The following CMC1 variants were observed in gnomAD, a reference collection of about 807,000 sequenced individuals.
The protein encoded by CMC1 is C-X9-C motif containing 1.
CMC1 carries 14 observed loss-of-function variants against 14.1 expected under a neutral mutation model. The observed-to-expected ratio is 0.99, with a 90% CI of 0.66 to 1.55. The LOEUF (loss-of-function observed/expected upper bound fraction) is 1.55, where lower values mean the gene tolerates loss of function less well. Among genes scored for constraint, CMC1 ranks in the 40% most tolerant of loss-of-function variants. The pLI is 0.00. For synonymous variants in CMC1, 50 were observed against 38.4 expected (o/e 1.30, Z -1.12); for missense variants, 127 against 123.8 (o/e 1.03, Z -0.12).
intron 2 of CMC1, among the ~76,000 whole-genome samples, chr3:28,308,933 A>T (rs1384669250): frequency 6.6e-6 from 1 of 151,936 alleles, no homozygotes; most frequent in African/African-American, 2.4e-5. Flanking sequence ...CAGTGAGCCA[A>T]GATCATGCCA....
In CMC1 at chr3:28,242,373, C is replaced by T. The variant is rs146576701; in HGVS notation, c.19+561C>T. ...CAATAGTTAACTTACCCTCGAATTC[C>T]CGTCCTTGTGGAAGGTCACCTGCAG... On this transcript the variant is annotated intron_variant, in intron 1 of 3. Transcript: ENST00000466830. Among the ~76,000 whole-genome samples the T allele has an allele frequency of 3.3e-5, 5 of 152,322 alleles. No homozygotes were observed. The East Asian group carries it at 9.6e-4, about 29-fold the overall frequency.
chr3:28,308,964 G>A (rs1045208602), intron 2 of CMC1, among the ~76,000 whole-genome samples: 10 of 143,042 alleles, frequency 7.0e-5, no homozygotes, highest in South Asian at 2.3e-4. Flanking sequence ...GCCCGGCGAC[G>A]GAGCGAGACT....
chr3:28,244,967 T>A (rs1698740900), intron 1 of CMC1, among the ~76,000 whole-genome samples: 4 of 151,470 alleles, frequency 2.6e-5, no homozygotes, highest in South Asian at 2.1e-4. Flanking sequence ...TTTTTTTTTT[T>A]AATTTCGTGT....
chr3:28,252,214 G>A (rs568687336), intron 1 of CMC1, among the ~76,000 whole-genome samples: 2 of 152,258 alleles, frequency 1.3e-5, no homozygotes, highest in East Asian at 3.9e-4. Context: ...CCAAGAAATA[G>A]GTGCTATTGG....
rs146683067 is a variant in CMC1, at chr3:28,282,329, C to T, written c.109+18949C>T. On this transcript the variant is annotated intron_variant, in intron 2 of 3. Coordinates refer to ENST00000466830, the MANE Select transcript of CMC1 (RefSeq NM_182523.2). ...TATCTCAGATTGCTGTGGCATAACCCGTGGCATTTATTCAGAGTGAGGCTG... is the reference window on the plus strand; with the variant it reads ...TATCTCAGATTGCTGTGGCATAACCTGTGGCATTTATTCAGAGTGAGGCTG... Among the ~76,000 whole-genome samples, 4 of 152,212 alleles carry T rather than the reference C, an allele frequency of 2.6e-5. No individual in the cohort carries two copies. The East Asian group carries it at 5.8e-4, about 22-fold the overall frequency.
intron 2 of CMC1, among the ~76,000 whole-genome samples, chr3:28,311,955 A>G (rs1702658531): frequency 6.6e-6 from 1 of 152,054 alleles, no homozygotes; most frequent in Non-Finnish European, 1.5e-5. Flanking sequence ...TTTTATTCTT[A>G]CCTAGTTTTA....
intron 1 of CMC1, chr3:28,253,700 A>G: frequency 8.1e-7 from 1 of 1,236,672 alleles, no homozygotes; most frequent in Non-Finnish European, 1.1e-6. Context: ...TTGCAAGTTT[A>G]TTACAAGCAT....
At chr3:28,287,901 A>G (rs1422416045) in intron 2 of CMC1, among the ~76,000 whole-genome samples, 1 of 152,030 alleles carries the variant, frequency 6.6e-6, no homozygotes, top group East Asian at 1.9e-4. Flanking sequence ...TGGCTATAAT[A>G]TAGCTCTGTG....
At chr3:28,306,014 C>G (rs1414322085) in intron 2 of CMC1, among the ~76,000 whole-genome samples, 1 of 151,718 alleles carries the variant, frequency 6.6e-6, no homozygotes, top group Non-Finnish European at 1.5e-5. Context: ...AGCTTTATTT[C>G]CAGGTTCTCT....
At chr3:28,260,130 G>A (rs1158578911) in intron 1 of CMC1, among the ~76,000 whole-genome samples, 1 of 152,010 alleles carries the variant, frequency 6.6e-6, no homozygotes, top group African/African-American at 2.4e-5. Flanking sequence ...TTTGAATTTT[G>A]AATGGTGAAC....
chr3:28,319,541 A>T lies in CMC1; in HGVS notation c.233A>T (p.Lys78Ile). ...YNDPAFYEEC[K>I]MEYLKEREEF... ...GATCCAGCCTTTTATGAAGAATGCA[A>T]AATGGAATACCTGAAGGAAAGGGAA... Residue 78 changes from lysine to isoleucine, a missense_variant, in exon 4 of 4, where the codon AAA becomes ATA. Lys to Ile is a moderately radical substitution (Grantham distance 102). Transcript: ENST00000466830. 1 of 1,606,296 alleles carries T rather than the reference A, an allele frequency of 6.2e-7. No individual in the cohort carries two copies. Among genetic ancestry groups the T allele is most frequent in the Non-Finnish European group, 8.5e-7 (1 of 1,174,984 alleles).
chr3:28,267,971 T>G (rs1023086452), intron 2 of CMC1, among the ~76,000 whole-genome samples: 2 of 152,234 alleles, frequency 1.3e-5, no homozygotes, highest in Non-Finnish European at 2.9e-5. Context: ...ATTTTTGTCA[T>G]TAACCAGTGC....
At chr3:28,259,336 T>C (rs1317406016) in intron 1 of CMC1, among the ~76,000 whole-genome samples, 3 of 152,062 alleles carry the variant, frequency 2.0e-5, no homozygotes, top group African/African-American at 7.2e-5. Flanking sequence ...TCTTAATGTA[T>C]AAAACAATGT....
intron 2 of CMC1, among the ~76,000 whole-genome samples, chr3:28,271,189 C>T (rs1700267180): frequency 6.6e-6 from 1 of 152,082 alleles, no homozygotes; most frequent in Non-Finnish European, 1.5e-5. Context: ...CAGCCTCTGC[C>T]TCCTGGGTTC....
intron 2 of CMC1, among the ~76,000 whole-genome samples, chr3:28,299,184 A>C (rs1314330189): frequency 6.6e-6 from 1 of 152,138 alleles, no homozygotes; most frequent in African/African-American, 2.4e-5. Flanking sequence ...AAATAGAATA[A>C]TTCTTTAATC....
At chr3:28,256,819 G>A (rs1013703140) in intron 1 of CMC1, among the ~76,000 whole-genome samples, 7 of 152,140 alleles carry the variant, frequency 4.6e-5, no homozygotes, top group Non-Finnish European at 7.3e-5. Context: ...AAAGGATGTA[G>A]CCAGCAAGAA....
At chr3:28,283,551 C>CAAAA in intron 2 of CMC1, among the ~76,000 whole-genome samples, 1 of 118,266 alleles carries the variant, frequency 8.5e-6, no homozygotes, top group Non-Finnish European at 1.8e-5. Context: ...ACAACAAAAA[C>CAAAA]AAAAAAAAAA....
In CMC1 at chr3:28,324,028, G is replaced by T. The variant is rs759355570; in HGVS notation, c.*4399G>T. On this transcript the variant is annotated 3_prime_UTR_variant, in exon 4 of 4. Transcript: ENST00000466830. Reference sequence around the variant, plus strand: ...ATAAGTGTCCTCATGGTGAAATCGTGAATCTCTTCCAAATTAATTCTTATA... The same window carrying T: ...ATAAGTGTCCTCATGGTGAAATCGTTAATCTCTTCCAAATTAATTCTTATA... 6.3e-7 allele frequency: 1 copy of T among 1,587,832 alleles called. No individual in the cohort carries two copies. The highest frequency in any genetic ancestry group is 8.6e-7 in the Non-Finnish European group (1 of 1,161,912).
At chr3:28,263,138 G>T in intron 1 of CMC1, 153 bp from the exon 2 acceptor site, 1 of 595,036 alleles carries the variant, frequency 1.7e-6, no homozygotes, top group Non-Finnish European at 2.9e-6. Flanking sequence ...AATAGGATGA[G>T]TTTTAATGAC....
Sources: gnomAD v4.1 joint callset for allele counts (sites outside exome capture counted in the v4.1 genomes callset) on GRCh38, gnomAD v4.1.1 for gene constraint, MANE v1.5 for transcripts, NCBI Gene and HGNC (gene_info 2026-07-23, HGNC 2026-07-21) for gene names.